The following TEP1 variants were observed in gnomAD, a reference collection of about 807,000 sequenced individuals.
TEP1 encodes telomerase associated protein 1.
Under a neutral mutation model 306.3 loss-of-function variants are expected in TEP1, and 241 were observed. That is an observed-to-expected ratio of 0.79 (90% CI 0.71 to 0.88). The LOEUF is 0.88. Ranked by LOEUF, TEP1 falls within the 40% of genes least tolerant of loss-of-function variation. The pLI is 0.00. For synonymous variants in TEP1, 1,289 were observed against 1,305.5 expected, an observed-to-expected ratio of 0.99 and a Z score of 0.27; for missense variants, 3,051 against 3,276.1, an observed-to-expected ratio of 0.93 and a Z score of 1.68.
At chr14:20,385,600 T>A (rs1877068440) in intron 20 of TEP1, among the ~76,000 whole-genome samples, 1 of 152,236 alleles carries the variant, frequency 6.6e-6, no homozygotes, top group Non-Finnish European at 1.5e-5. Context: ...CTCAAACTCC[T>A]GACCTCAGGT....
In TEP1 at chr14:20,386,149, C is replaced by A. The variant is rs1174608863; in HGVS notation, c.2908G>T (p.Val970Leu). ...CCATAACGGGAGCCCAGAATCCCCA[C>A]AAACAGCTGTGCGTTCTCCACCTCC... ...LGEVENAQLF[V>L]GILGSRYGYI... Residue 970 changes from valine (V) to leucine (L), a missense_variant, in exon 20 of 55, where the codon GTG becomes TTG. Val to Leu is a conservative substitution (Grantham distance 32). Transcript: ENST00000262715. The A allele has an allele frequency of 6.2e-7, 1 of 1,613,660 alleles. No homozygotes were observed. Among genetic ancestry groups the A allele is most frequent in the Admixed American group, 1.7e-5 (1 of 59,896 alleles).
chr14:20,404,510 T>A, intron 5 of TEP1, 101 bp downstream of exon 5: 1 of 1,443,760 alleles, frequency 6.9e-7, no homozygotes, highest in African/African-American at 1.4e-5. Context: ...TGAGGAAAGC[T>A]GAGGGGAAAC....
At position 20,373,229 on chromosome 14, in the gene TEP1, G is replaced by A. The variant is rs529445081; in HGVS notation, c.6814+41C>T. On this transcript the variant is annotated intron_variant, in intron 47 of 54. Transcript: ENST00000262715. The stretch of plus-strand genomic sequence containing the variant: ...ATCAGGCCACCCTTGACCTTTTTTT[G>A]TGCCAGTAACACACCCTGTCTCTCT... 1.4e-5 allele frequency: 23 copies of A among 1,609,786 alleles called. No individual in the cohort carries two copies. In the African/African-American group the frequency reaches 3.1e-4, roughly 22 times the overall value.
At chr14:20,396,146 A>C (rs749883511) in intron 10 of TEP1, among the ~76,000 whole-genome samples, 197 bp from the exon 11 acceptor site, 37 of 152,152 alleles carry the variant, frequency 2.4e-4, no homozygotes, top group Non-Finnish European at 5.1e-4. Context: ...AAAGAAGAGA[A>C]AGTAACAGAA....
chr14:20,403,900 G>A lies in TEP1; in HGVS notation c.1033-16C>T, dbSNP rs779458389. 2 of 1,613,938 alleles carry A rather than the reference G, an allele frequency of 1.2e-6. No homozygotes were observed. Among genetic ancestry groups the A allele is most frequent in the South Asian group, 2.2e-5 (2 of 91,078 alleles). On this transcript the variant is annotated splice_polypyrimidine_tract_variant and intron_variant, in intron 5 of 54. Coordinates refer to ENST00000262715, the MANE Select transcript of TEP1 (RefSeq NM_007110.5). ...CAGCCAGGCTCTGTCAAAGAGAGAG[G>A]AGAGACCACTAGAAGCAAGACCCAA...
At chr14:20,384,551 T>A in intron 22 of TEP1, 43 bp from the exon 23 acceptor site, 1 of 1,613,748 alleles carries the variant, frequency 6.2e-7, no homozygotes, top group Non-Finnish European at 8.5e-7. Context: ...CAGGCCCGGC[T>A]CCTCTCACCA....
chr14:20,371,060 C>A (rs1884801573), intron 51 of TEP1, among the ~76,000 whole-genome samples, 158 bp downstream of exon 51: 1 of 152,186 alleles, frequency 6.6e-6, no homozygotes. Context: ...GAACCCAATA[C>A]ACAATGTCCT....
intron 1 of TEP1, among the ~76,000 whole-genome samples, chr14:20,412,169 G>A (rs2151753): frequency 0.15 from 22,989 of 152,062 alleles, 1,815 homozygotes; most frequent in East Asian, 0.23. Context: ...TGACAAACAC[G>A]TAAAAAATGA....
Position 20,372,854 on chromosome 14 carries a change from G to A in TEP1, c.6955C>T (p.Pro2319Ser), listed in dbSNP as rs202061561. Residue 2319 changes from proline to serine, a missense_variant, in exon 49 of 55, where the codon CCA (proline) becomes TCA (serine). Coordinates refer to ENST00000262715, the MANE Select transcript of TEP1 (RefSeq NM_007110.5). ...CAGATCAGAGCACCAATGTGGCCTG[G>A]AGCCTGGTGTACACAACAAGTTCAA... is the stretch of plus-strand genomic sequence containing the variant. ...EAKAVATAQA[P>S]GHIGALIWSS... is the part of the protein sequence containing the mutation. 3 of 1,614,178 alleles carry A rather than the reference G, an allele frequency of 1.9e-6. No homozygotes were observed. Among genetic ancestry groups the A allele is most frequent in the Non-Finnish European group, 2.5e-6 (3 of 1,180,036 alleles).
In TEP1 at chr14:20,390,392, C is replaced by T. The variant is rs528153523; in HGVS notation, c.2334+289G>A. ...AGCAGTGTGCTCCTGAGCGTCTTTT[C>T]CCAACTCTATGTTCAGTAGCATCAT... On this transcript the variant is annotated intron_variant, in intron 15 of 54. Transcript: ENST00000262715. 2.6e-5 allele frequency among the ~76,000 whole-genome samples: 4 copies of T among 152,324 alleles called. No homozygotes were observed. In the South Asian group the frequency reaches 8.3e-4, roughly 32 times the overall value.
chr14:20,404,906 C>T, intron 4 of TEP1, 134 bp from the exon 5 acceptor site: 2 of 1,001,640 alleles, frequency 2.0e-6, no homozygotes, highest in Non-Finnish European at 2.8e-6. Context: ...AAATACGAAG[C>T]CCAGGCCACC....
rs1484021371 is a variant in TEP1, at chr14:20,395,459, T to G, written c.1919A>C (p.His640Pro). The change falls in exon 12 of 55, where the codon CAC (histidine) becomes CCC (proline). Residue 640 changes from histidine (H) to proline (P), a missense_variant. Around this residue, in one of 3 missense-constraint regions of TEP1, gnomAD observed 1,507 missense variants for 1,550.5 expected, o/e 0.97. Coordinates refer to ENST00000262715, the MANE Select transcript of TEP1 (RefSeq NM_007110.5). ...GACAGTGCATACATACCTGGCCTTG[T>G]GTACTCTCAGCTTCTCCCTCTTGAG... ...EQLKREKLRV[H>P]KARQWKYDGE... 1 of 1,594,152 alleles carries G rather than the reference T, an allele frequency of 6.3e-7. No homozygotes were observed. The highest frequency in any genetic ancestry group is 8.6e-7 in the Non-Finnish European group (1 of 1,164,540).
At position 20,366,635 on chromosome 14, in the gene TEP1, C is replaced by G. The variant is rs1227185554; in HGVS notation, c.*1802G>C. The G allele has an allele frequency of 6.6e-6, 1 of 152,098 alleles. No individual in the cohort carries two copies. Among genetic ancestry groups the G allele is most frequent in the Non-Finnish European group, 1.5e-5 (1 of 68,032 alleles). The allele number at this position is 152,098 out of a possible 1,614,324, so 9.4% of individuals were successfully genotyped here. On this transcript the variant is annotated 3_prime_UTR_variant, in exon 55 of 55. Transcript: ENST00000262715. Reference sequence around the variant, plus strand: ...CTCAGGTTATTTCTCCATGTAAAACCTGGAATCAGGGTACAGTGAGAGTAA... The same window carrying G: ...CTCAGGTTATTTCTCCATGTAAAACGTGGAATCAGGGTACAGTGAGAGTAA...
At position 20,381,004 on chromosome 14, in the gene TEP1, G is replaced by A; in HGVS notation, c.4689C>T (p.Thr1563=). 6.2e-7 allele frequency: 1 copy of A among 1,614,110 alleles called. No homozygotes were observed. Among genetic ancestry groups the A allele is most frequent in the Non-Finnish European group, 8.5e-7 (1 of 1,180,020 alleles). The change falls in exon 33 of 55, where the codon ACC becomes ACT. Residue 1563 remains threonine, a synonymous_variant. Transcript: ENST00000262715. The surrounding 1 kb of genome is among the most constrained non-coding windows in gnomAD (Gnocchi z 4.0). ...GNRGLLSKFL[T]NLHVVAAHLE... ...AGTGTGCAGCCACCACATGGAGGTT[G>A]GTAAGGAACTTCGAAAGAAGTCCAC...
chr14:20,370,685 C>T (rs965574414), intron 51 of TEP1, among the ~76,000 whole-genome samples: 1 of 152,152 alleles, frequency 6.6e-6, no homozygotes, highest in Non-Finnish European at 1.5e-5. Flanking sequence ...ACTCCTTTCT[C>T]TTAGGTATAT....
At chr14:20,370,194 G>GT (rs1477560234) in intron 51 of TEP1, among the ~76,000 whole-genome samples, 6 of 152,202 alleles carry the variant, frequency 3.9e-5, no homozygotes, top group South Asian at 4.1e-4. Context: ...GATTACAGGC[G>GT]TGAGCCACTA....
At position 20,381,696 on chromosome 14, in the gene TEP1, T is replaced by C. The variant is rs752659958; in HGVS notation, c.4425-10A>G. 1.6e-5 allele frequency: 25 copies of C among 1,590,958 alleles called. No homozygotes were observed. The South Asian group carries it at 2.6e-4, about 17-fold the overall frequency. On this transcript the variant is annotated splice_polypyrimidine_tract_variant and intron_variant, in intron 30 of 54. Transcript: ENST00000262715. This position sits in a 1 kb window ranked among gnomAD's most constrained non-coding sequence, Gnocchi z 4.0. Reference sequence around the variant, plus strand: ...GCCCTCCCCTAGCAAACTGTCCTCGTGTGAGGAAGGGAGAGAGAAGAAGGA... The same window carrying C: ...GCCCTCCCCTAGCAAACTGTCCTCGCGTGAGGAAGGGAGAGAGAAGAAGGA...
chr14:20,393,209 T>A (rs1877880542), intron 12 of TEP1, among the ~76,000 whole-genome samples: 1 of 149,912 alleles, frequency 6.7e-6, no homozygotes, highest in Non-Finnish European at 1.5e-5. Flanking sequence ...AGAGCAAGAC[T>A]CGGTCTCAAA....
Position 20,380,387 on chromosome 14 carries a change from G to A in TEP1, c.4851C>T (p.Leu1617=), listed in dbSNP as rs1458816785. The stretch of plus-strand genomic sequence containing the variant: ...GGGGCAGGAGCCGGGGGTACTGGCT[G>A]AGGATTGAAGCCTGCTGCCTCAGGA... ...RTFLRQQASI[L]SQYPRLLPQQ... is the part of the protein sequence containing the mutation. Residue 1617 remains leucine (L), a synonymous_variant, in exon 34 of 55, where the codon CTC becomes CTT. Coordinates refer to ENST00000262715, the MANE Select transcript of TEP1 (RefSeq NM_007110.5). The A allele has an allele frequency of 1.2e-6, 2 of 1,614,106 alleles. No individual in the cohort carries two copies. Among genetic ancestry groups the A allele is most frequent in the Non-Finnish European group, 8.5e-7 (1 of 1,180,044 alleles).
Sources: allele counts gnomAD v4.1 joint callset (sites outside exome capture counted in the v4.1 genomes callset), GRCh38; gene constraint gnomAD v4.1.1; regional missense constraint gnomAD v4.1.1; non-coding constraint Gnocchi (gnomAD v3.1); transcripts MANE v1.5; gene names NCBI Gene and HGNC (gene_info 2026-07-23, HGNC 2026-07-21).